The following MYO10 variants were observed in gnomAD, a reference collection of about 807,000 sequenced individuals.
MYO10 encodes the protein unconventional myosin-X.
In MYO10, 133 loss-of-function variants were observed where a neutral mutation model predicts 257.3. That is an observed-to-expected ratio of 0.52 (90% CI 0.45 to 0.60). MYO10 has a LOEUF of 0.60. Among genes scored for constraint, MYO10 ranks in the 20% least tolerant of loss-of-function variants. MYO10 has a pLI of 0.00. For missense variants in MYO10, 2,399 were observed against 2,635.7 expected, an observed-to-expected ratio of 0.91 and a Z score of 1.97; for synonymous variants, 1,104 against 1,028.6, an observed-to-expected ratio of 1.07 and a Z score of -1.40.
rs370443366 is a variant in MYO10 at position 16,762,143 on chromosome 5, A to AAAAAAAAAAAT, written c.1588-31_1588-30insATTTTTTTTTT. ...AAAAAAAAAAAAAAAAAAAAAAAAA[A>AAAAAAAAAAAT]ATACAATGCCTTATTTCACTCACTG... On this transcript the variant is annotated intron_variant, in intron 15 of 40. Transcript: ENST00000513610. 9.4e-5 allele frequency: 103 copies of AAAAAAAAAAAT among 1,092,306 alleles called. 4 individuals are homozygous for AAAAAAAAAAAT. The highest frequency in any genetic ancestry group is 3.2e-4 in the Middle Eastern group (1 of 3,096). 67.7% of individuals were successfully genotyped at this position (1,092,306 alleles called of 1,614,324 possible).
chr5:16,878,837 G>A lies in MYO10; in HGVS notation c.22-1130C>T, dbSNP rs115846419. Among the ~76,000 whole-genome samples, 871 of 152,180 alleles carry A rather than the reference G, an allele frequency of 5.7e-3. 7 individuals carry two copies. Among genetic ancestry groups the A allele is most frequent in the African/African-American group, 0.02 (816 of 41,510 alleles). On this transcript the variant is annotated intron_variant, in intron 1 of 40. Transcript: ENST00000513610. Reference sequence around the variant, plus strand: ...GGACTTTGGGGACTCAGGGAGAAGGGTGGGAGGGTGGCGAAGGATAAAAGA... The same window carrying A: ...GGACTTTGGGGACTCAGGGAGAAGGATGGGAGGGTGGCGAAGGATAAAAGA...
intron 30 of MYO10, among the ~76,000 whole-genome samples, chr5:16,683,581 T>G (rs1430739694): frequency 6.6e-6 from 1 of 152,242 alleles, no homozygotes. Flanking sequence ...TTTCTTCCTG[T>G]ATAAATCCCA....
chr5:16,676,840 T>C (rs1184794838), intron 33 of MYO10, among the ~76,000 whole-genome samples: 2 of 152,178 alleles, frequency 1.3e-5, no homozygotes, highest in African/African-American at 4.8e-5. Flanking sequence ...CCTGTCTCTA[T>C]AAAAAATAAG....
chr5:16,838,625 T>C (rs1238349738), intron 2 of MYO10, among the ~76,000 whole-genome samples: 1 of 152,198 alleles, frequency 6.6e-6, no homozygotes, highest in African/African-American at 2.4e-5. Context: ...AATAAGATCA[T>C]TGATGAAGGT....
At chr5:16,785,926 A>G (rs2126673472) in intron 4 of MYO10, among the ~76,000 whole-genome samples, 1 of 152,230 alleles carries the variant, frequency 6.6e-6, no homozygotes, top group Admixed American at 6.5e-5. Flanking sequence ...GGCAGTAACA[A>G]GGGGACCAAG....
intron 27 of MYO10, among the ~76,000 whole-genome samples, chr5:16,693,535 T>C (rs1400476077): frequency 6.6e-6 from 1 of 152,258 alleles, no homozygotes; most frequent in African/African-American, 2.4e-5. Flanking sequence ...CACTTTACAA[T>C]GAATACTTTT....
Position 16,794,573 on chromosome 5 carries a change from G to GTGC in MYO10, c.467+72_467+73insGCA. The GTGC allele has an allele frequency of 4.3e-6, 6 of 1,395,236 alleles. No individual in the cohort carries two copies. In the Admixed American group the frequency reaches 1.5e-4, roughly 35 times the overall value. 86.4% of individuals were successfully genotyped at this position (1,395,236 alleles called of 1,614,324 possible). ...AGCTTCCTCTGGTTAATGCCCTAAG[G>GTGC]AGGCTGGGGTTGGGGGTGCGCGGAG... On this transcript the variant is annotated intron_variant, in intron 4 of 40. Transcript: ENST00000513610.
intron 29 of MYO10, 104 bp from the exon 30 acceptor site, chr5:16,684,039 C>A: frequency 9.6e-7 from 1 of 1,041,184 alleles, no homozygotes; most frequent in Non-Finnish European, 1.4e-6. Context: ...AGAAAAGGCT[C>A]TTTTCTTTTT....
At chr5:16,783,823 G>A (rs1224972084) in intron 4 of MYO10, among the ~76,000 whole-genome samples, 1 of 152,178 alleles carries the variant, frequency 6.6e-6, no homozygotes, top group Non-Finnish European at 1.5e-5. Flanking sequence ...CTGTGTAAAC[G>A]TTTGGTTAAA....
intron 2 of MYO10, among the ~76,000 whole-genome samples, chr5:16,857,038 T>C (rs1331606093): frequency 6.6e-6 from 1 of 152,222 alleles, no homozygotes; most frequent in Non-Finnish European, 1.5e-5. Flanking sequence ...ATGTTAAAAA[T>C]AGGCATTATA....
chr5:16,700,997 G>A lies in MYO10; in HGVS notation c.3398C>T (p.Ala1133Val). The change falls in exon 25 of 41, where the codon GCC becomes GTC. Residue 1133 changes from alanine (A) to valine (V), a missense_variant. Ala to Val is a moderately conservative substitution (Grantham distance 64). Transcript: ENST00000513610. ...CSVGTYNSSGAYRFSSEGAQS... is the reference protein window; with the variant it reads ...CSVGTYNSSGVYRFSSEGAQS... ...CGCCCCCTCAGAGCTGAACCGGTAG[G>A]CACCCGAGCTGTTGTAGGTCCCCAC... 1 of 1,559,760 alleles carries A rather than the reference G, an allele frequency of 6.4e-7. No homozygotes were observed. The highest frequency in any genetic ancestry group is 8.7e-7 in the Non-Finnish European group (1 of 1,151,874).
intron 35 of MYO10, 24 bp from the exon 36 acceptor site, chr5:16,673,913 A>C (rs919108145): frequency 1.9e-6 from 3 of 1,608,402 alleles, no homozygotes; most frequent in Non-Finnish European, 2.6e-6. Context: ...ACTAACTGTT[A>C]ATTTTTAGAC....
intron 19 of MYO10, among the ~76,000 whole-genome samples, chr5:16,723,590 T>A (rs908917508): frequency 9.9e-5 from 15 of 152,118 alleles, no homozygotes; most frequent in Admixed American, 9.2e-4. Flanking sequence ...TCTTAACACA[T>A]GATCCAGCGA....
At chr5:16,922,821 A>C (rs2126802065) in intron 1 of MYO10, among the ~76,000 whole-genome samples, 1 of 152,314 alleles carries the variant, frequency 6.6e-6, no homozygotes, top group South Asian at 2.1e-4. Context: ...GCTTGGGCCC[A>C]GGAGTTCAAG....
intron 2 of MYO10, among the ~76,000 whole-genome samples, chr5:16,837,065 C>G (rs1233819036): frequency 6.6e-6 from 1 of 152,096 alleles, no homozygotes; most frequent in Non-Finnish European, 1.5e-5. Flanking sequence ...AATCCCAGTA[C>G]TTTGGGAGGC....
At position 16,667,699 on chromosome 5, in the gene MYO10, G is replaced by A. The variant is rs867397359; in HGVS notation, c.6075+578C>T. ...CTCTCCATTCCAAACCAGGCAGCAG[G>A]TGATTCCTCTCCACTCACCACGTTG... On this transcript the variant is annotated intron_variant, in intron 40 of 40. Coordinates refer to ENST00000513610, the MANE Select transcript of MYO10 (RefSeq NM_012334.3). Among the ~76,000 whole-genome samples the A allele has an allele frequency of 3.3e-5, 5 of 152,262 alleles. No homozygotes were observed. The South Asian group carries it at 6.2e-4, about 19-fold the overall frequency.
chr5:16,874,133 G>A (rs1744525074), intron 2 of MYO10, among the ~76,000 whole-genome samples: 2 of 152,030 alleles, frequency 1.3e-5, no homozygotes, highest in African/African-American at 4.8e-5. Flanking sequence ...AGCAGATCGA[G>A]ACCATCCTGG....
intron 27 of MYO10, among the ~76,000 whole-genome samples, chr5:16,692,581 G>C (rs983249827): frequency 1.3e-5 from 2 of 151,978 alleles, no homozygotes; most frequent in African/African-American, 4.8e-5. Flanking sequence ...ATTTACAGAA[G>C]AAATTATATG....
At chr5:16,822,635 G>A (rs914327043) in intron 2 of MYO10, among the ~76,000 whole-genome samples, 3 of 151,826 alleles carry the variant, frequency 2.0e-5, no homozygotes, top group South Asian at 2.1e-4. Context: ...ATTATTGGGT[G>A]AGTGAACACC....
Sources: allele counts gnomAD v4.1 joint callset (sites outside exome capture counted in the v4.1 genomes callset), GRCh38; gene constraint gnomAD v4.1.1; transcripts MANE v1.5; gene names NCBI Gene and HGNC (gene_info 2026-07-23, HGNC 2026-07-21).